Variants in KDM4B observed in about 807,000 individuals in gnomAD.
KDM4B encodes the protein lysine-specific demethylase 4B.
Under a neutral mutation model 125.2 loss-of-function variants are expected in KDM4B, and 32 were observed. That is an observed-to-expected ratio of 0.26 (90% CI 0.19 to 0.34). The LOEUF (loss-of-function observed/expected upper bound fraction) is 0.34, where lower values mean the gene tolerates loss of function less well. KDM4B is among the 10% of genes least tolerant of loss of function. The pLI is 1.00. For missense variants in KDM4B, 1,190 were observed against 1,577.7 expected, an observed-to-expected ratio of 0.75 and a Z score of 4.16; for synonymous variants, 721 against 677.9, an observed-to-expected ratio of 1.06 and a Z score of -0.99.
chr19:5,102,720 C>T (rs948528973), intron 9 of KDM4B, among the ~76,000 whole-genome samples: 5 of 151,912 alleles, frequency 3.3e-5, no homozygotes, highest in South Asian at 2.1e-4. Context: ...TGACGGGTGA[C>T]GGGTGATGGG....
chr19:5,086,603 A>G (rs558194449), intron 9 of KDM4B, among the ~76,000 whole-genome samples: 10 of 152,138 alleles, frequency 6.6e-5, no homozygotes, highest in African/African-American at 1.9e-4. Flanking sequence ...CCCCGTCTAC[A>G]GATGCCAGCG....
chr19:5,131,107 G>A lies in KDM4B; in HGVS notation c.1347G>A (p.Lys449=), dbSNP rs778613781. Residue 449 remains lysine, a synonymous_variant, in exon 12 of 23, where the codon AAG becomes AAA. Transcript: ENST00000159111. ...EDGRGKLRPT[K]AKSERKKKSF... The stretch of plus-strand genomic sequence containing the variant: ...GGAGGGGCAAGCTGCGGCCAACCAA[G>A]GCCAAGAGCGAGCGGAAGAAGAAGA... 3.3e-6 allele frequency: 5 copies of A among 1,522,630 alleles called. No homozygotes were observed. In the Admixed American group the frequency reaches 8.5e-5, roughly 26 times the overall value. The allele number at this position is 1,522,630 out of a possible 1,614,324, so 94.3% of individuals were successfully genotyped here.
intron 1 of KDM4B, among the ~76,000 whole-genome samples, chr19:4,989,027 A>G (rs1316131595): frequency 6.6e-6 from 1 of 152,218 alleles, no homozygotes; most frequent in Non-Finnish European, 1.5e-5. Flanking sequence ...GTAGGCCAGG[A>G]AACAGGACAA....
intron 1 of KDM4B, among the ~76,000 whole-genome samples, chr19:4,978,558 T>TA (rs533833754): frequency 3.5e-4 from 52 of 146,824 alleles, no homozygotes; most frequent in Middle Eastern, 3.7e-3. Context: ...CATCTCATGT[T>TA]ACTGTCTGTC....
chr19:5,082,387 A>G lies in KDM4B; in HGVS notation c.801A>G (p.Glu267=). 1.2e-6 allele frequency: 2 copies of G among 1,613,568 alleles called. No individual in the cohort carries two copies. The highest frequency in any genetic ancestry group is 1.3e-5 in the African/African-American group (1 of 75,030). ...TGCAGATCACGCAGGAGGCCGGGGA[A>G]TTCATGATCACATTTCCCTACGGCT... ...PFSRITQEAG[E]FMITFPYGYH... The change falls in exon 9 of 23, where the codon GAA becomes GAG. Residue 267 remains glutamate (E), a synonymous_variant. Transcript: ENST00000159111. The surrounding 1 kb of genome is among the most constrained non-coding windows in gnomAD (Gnocchi z 5.4).
intron 9 of KDM4B, among the ~76,000 whole-genome samples, chr19:5,095,958 C>T (rs2038813427): frequency 6.6e-6 from 1 of 152,232 alleles, no homozygotes; most frequent in African/African-American, 2.4e-5. Context: ...GAGTGTGCGC[C>T]CCACCAAGGG....
chr19:5,087,765 C>T lies in KDM4B; in HGVS notation c.918+5261C>T, dbSNP rs543275931. The stretch of plus-strand genomic sequence containing the variant: ...AGCGGTCTGCAGCCTCGGTGTGCGA[C>T]GTTTCTTAAGCACACAGGTGTTAAG... On this transcript the variant is annotated intron_variant, in intron 9 of 22. Coordinates refer to ENST00000159111, the MANE Select transcript of KDM4B (RefSeq NM_015015.3). 9.2e-5 allele frequency among the ~76,000 whole-genome samples: 14 copies of T among 152,350 alleles called. No individual in the cohort carries two copies. The South Asian group carries it at 1.2e-3, about 14-fold the overall frequency.
intron 10 of KDM4B, chr19:5,111,945 T>A: frequency 1.5e-6 from 1 of 667,862 alleles, no homozygotes. Flanking sequence ...ATTTTTCTGT[T>A]TTGAGCCACT....
chr19:5,065,883 G>A (rs934546779), intron 6 of KDM4B, among the ~76,000 whole-genome samples: 1 of 152,178 alleles, frequency 6.6e-6, no homozygotes, highest in Admixed American at 6.5e-5. Flanking sequence ...TCGGGGCCTC[G>A]CAGCATCCCC....
intron 2 of KDM4B, among the ~76,000 whole-genome samples, chr19:5,016,818 G>A (rs1268201469): frequency 1.3e-5 from 2 of 152,192 alleles, no homozygotes; most frequent in East Asian, 1.9e-4. Flanking sequence ...CAGCCGCCCC[G>A]GGTTTAGTTC....
At chr19:5,051,842 G>A (rs897611169) in intron 6 of KDM4B, among the ~76,000 whole-genome samples, 1 of 152,236 alleles carries the variant, frequency 6.6e-6, no homozygotes, top group Non-Finnish European at 1.5e-5. Context: ...AGGCAGGATG[G>A]GGGTCCCCCA....
chr19:5,047,415 C>T, intron 5 of KDM4B, 61 bp from the exon 6 acceptor site: 1 of 1,497,730 alleles, frequency 6.7e-7, no homozygotes, highest in Non-Finnish European at 9.0e-7. Flanking sequence ...GCCTGCACCC[C>T]AGGGCTCGCA....
intron 6 of KDM4B, among the ~76,000 whole-genome samples, chr19:5,058,772 G>A (rs1443622317): frequency 6.6e-6 from 1 of 152,236 alleles, no homozygotes; most frequent in Non-Finnish European, 1.5e-5. Flanking sequence ...TGGAGTGGCA[G>A]TGCACACGCT....
intron 5 of KDM4B, among the ~76,000 whole-genome samples, chr19:5,044,070 C>T (rs1158502188): frequency 5.7e-5 from 3 of 52,610 alleles, no homozygotes; most frequent in African/African-American, 1.6e-4. Flanking sequence ...CACCTTATCC[C>T]GCGTGGTGTT....
chr19:5,072,557 C>T (rs1440254288), intron 7 of KDM4B, among the ~76,000 whole-genome samples: 1 of 152,194 alleles, frequency 6.6e-6, no homozygotes, highest in Non-Finnish European at 1.5e-5. Context: ...CACTTACATA[C>T]TAAAGCTGTG....
At chr19:4,986,270 A>G (rs2034828119) in intron 1 of KDM4B, among the ~76,000 whole-genome samples, 1 of 152,236 alleles carries the variant, frequency 6.6e-6, no homozygotes, top group South Asian at 2.1e-4. Flanking sequence ...GTCTAGAGCC[A>G]GAGCCTGGCG....
intron 6 of KDM4B, among the ~76,000 whole-genome samples, chr19:5,057,733 G>A (rs1179425379): frequency 6.6e-6 from 1 of 152,218 alleles, no homozygotes; most frequent in Non-Finnish European, 1.5e-5. Flanking sequence ...CGGGTCCTGG[G>A]AGCAGGTGCC....
At chr19:5,085,816 G>A (rs757408385) in intron 9 of KDM4B, among the ~76,000 whole-genome samples, 17 of 152,218 alleles carry the variant, frequency 1.1e-4, no homozygotes, top group Non-Finnish European at 2.1e-4. Context: ...GCTTCTTGGC[G>A]GGGCAGCCGG....
intron 6 of KDM4B, among the ~76,000 whole-genome samples, chr19:5,060,214 C>T (rs2037540940): frequency 6.6e-6 from 1 of 151,968 alleles, no homozygotes; most frequent in South Asian, 2.1e-4. Flanking sequence ...CCAAGGTGGG[C>T]GGATCACCTG....
Sources: allele counts gnomAD v4.1 joint callset (sites outside exome capture counted in the v4.1 genomes callset), GRCh38; gene constraint gnomAD v4.1.1; non-coding constraint Gnocchi (gnomAD v3.1); transcripts MANE v1.5; gene names NCBI Gene and HGNC (gene_info 2026-07-23, HGNC 2026-07-21).